ITCH: variants seen among roughly 807,000 people sequenced by gnomAD.
ITCH encodes the protein itchy E3 ubiquitin protein ligase.
In ITCH, 28 loss-of-function variants were observed where a neutral mutation model predicts 126.8. That is an observed-to-expected ratio of 0.22 (90% CI 0.16 to 0.30). The LOEUF (loss-of-function observed/expected upper bound fraction) is 0.30, where lower values mean the gene tolerates loss of function less well. Ranked by LOEUF, ITCH falls within the 10% of genes least tolerant of loss-of-function variation. The pLI is 1.00. For missense variants in ITCH, 631 were observed against 1,032.4 expected, an observed-to-expected ratio of 0.61 and a Z score of 5.33; for synonymous variants, 342 against 340.0, an observed-to-expected ratio of 1.01 and a Z score of -0.06.
At chr20:34,476,400 C>G in intron 16 of ITCH, 1 of 1,239,634 alleles carries the variant, frequency 8.1e-7, no homozygotes, top group South Asian at 3.5e-5. Context: ...CGGCGTGGTG[C>G]AGCCACCGGC....
intron 23 of ITCH, among the ~76,000 whole-genome samples, chr20:34,503,293 C>T (rs1350341477): frequency 6.6e-6 from 1 of 151,990 alleles, no homozygotes; most frequent in African/African-American, 2.4e-5. Context: ...AGCGTTCCTG[C>T]CCCCTTCTAA....
At chr20:34,477,705 AC>A in intron 16 of ITCH, 66 bp from the exon 17 acceptor site, 1 of 1,451,918 alleles carries the variant, frequency 6.9e-7, no homozygotes, top group Non-Finnish European at 9.6e-7. Flanking sequence ...GAGATGTCAA[AC>A]CTAGAAGTGG....
At chr20:34,499,563 A>G (rs1248427859) in intron 23 of ITCH, among the ~76,000 whole-genome samples, 6 of 147,008 alleles carry the variant, frequency 4.1e-5, no homozygotes, top group African/African-American at 1.5e-4. Flanking sequence ...TTCTGATTTC[A>G]TTTATTTGGG....
chr20:34,488,017 A>G (rs1019682229), intron 20 of ITCH, among the ~76,000 whole-genome samples: 61 of 152,338 alleles, frequency 4.0e-4, no homozygotes, highest in African/African-American at 1.4e-3. Flanking sequence ...GTTGTCATAT[A>G]TTATTTCTAC....
intron 16 of ITCH, chr20:34,476,201 C>T (rs993056952): frequency 1.5e-5 from 12 of 800,836 alleles, no homozygotes; most frequent in East Asian, 1.2e-4. Flanking sequence ...TCAACCACAA[C>T]GTCTAGCAGA....
At chr20:34,454,234 T>G (rs1600380037) in intron 12 of ITCH, among the ~76,000 whole-genome samples, 1 of 148,652 alleles carries the variant, frequency 6.7e-6, no homozygotes. Flanking sequence ...GCCTCCCGGG[T>G]TCACGCCATT....
chr20:34,415,669 G>A (rs1979728235), intron 6 of ITCH, among the ~76,000 whole-genome samples: 1 of 152,122 alleles, frequency 6.6e-6, no homozygotes, highest in Non-Finnish European at 1.5e-5. Flanking sequence ...TTGACACTTT[G>A]ATTATTGTTC....
intron 23 of ITCH, among the ~76,000 whole-genome samples, chr20:34,497,437 G>T (rs981132678): frequency 6.6e-6 from 1 of 152,190 alleles, no homozygotes; most frequent in African/African-American, 2.4e-5. Flanking sequence ...TAGCTTTGTT[G>T]TATATCTTGA....
intron 6 of ITCH, among the ~76,000 whole-genome samples, chr20:34,423,598 C>T (rs543068257): frequency 6.6e-6 from 1 of 152,030 alleles, no homozygotes; most frequent in Non-Finnish European, 1.5e-5. Flanking sequence ...AGCACCCTCC[C>T]TCCAACACTT....
chr20:34,363,548 T>C (rs1402328699), intron 1 of ITCH, among the ~76,000 whole-genome samples, 199 bp downstream of exon 1: 2 of 151,064 alleles, frequency 1.3e-5, no homozygotes, highest in Admixed American at 1.3e-4. Flanking sequence ...GCGGTGGGGG[T>C]GGGCTGTCTG....
intron 2 of ITCH, among the ~76,000 whole-genome samples, chr20:34,377,374 A>G (rs2037886684): frequency 1.3e-5 from 2 of 151,702 alleles, no homozygotes; most frequent in African/African-American, 4.8e-5. Context: ...ACCCTGTCTC[A>G]AAAAGAAAAA....
At chr20:34,438,440 C>T (rs1277996777) in intron 7 of ITCH, 34 bp from the exon 8 acceptor site, 1 of 1,609,776 alleles carries the variant, frequency 6.2e-7, no homozygotes, top group East Asian at 2.2e-5. Flanking sequence ...CATTATTTCC[C>T]TCTCCCCCTT....
intron 3 of ITCH, among the ~76,000 whole-genome samples, chr20:34,397,698 A>G (rs1211678744): frequency 2.0e-5 from 3 of 152,124 alleles, no homozygotes; most frequent in Non-Finnish European, 4.4e-5. Context: ...GAAAGATATT[A>G]CTATTTCTTA....
chr20:34,445,110 T>C (rs6579167), intron 10 of ITCH, among the ~76,000 whole-genome samples, 177 bp from the exon 11 acceptor site: 20,778 of 152,244 alleles, frequency 0.14, 1,996 homozygotes, highest in Non-Finnish European at 0.21. Context: ...ATGCATCTTA[T>C]GAACTTTCAA....
chr20:34,369,792 A>G (rs1456444057), intron 2 of ITCH, among the ~76,000 whole-genome samples: 2 of 152,098 alleles, frequency 1.3e-5, no homozygotes, highest in African/African-American at 4.8e-5. Context: ...TGTAGGATTA[A>G]GAGGTGGGTA....
intron 7 of ITCH, among the ~76,000 whole-genome samples, chr20:34,431,777 C>T (rs1982326216): frequency 6.6e-6 from 1 of 151,976 alleles, no homozygotes; most frequent in Admixed American, 6.6e-5. Context: ...CGGTGGCTCA[C>T]TCCTGTAATC....
At chr20:34,499,270 A>C (rs917084387) in intron 23 of ITCH, among the ~76,000 whole-genome samples, 1 of 59,632 alleles carries the variant, frequency 1.7e-5, no homozygotes, top group Non-Finnish European at 3.0e-5. Context: ...CACTGTGCCC[A>C]GCTTTTTTTT....
rs1439066122 is a variant in ITCH at position 34,438,528 on chromosome 20, G to C, written c.576G>C (p.Arg192Ser). ...AAGATGCAGGAGCTGGTGAAAATAG[G>C]AGAGTCAGTGGGAATAATTCTCCAT... Reference protein sequence around the residue: ...DPEDAGAGENRRVSGNNSPSL... With the variant: ...DPEDAGAGENSRVSGNNSPSL... Residue 192 changes from arginine to serine, a missense_variant, in exon 8 of 25, where the codon AGG becomes AGC. By Grantham distance (110) the Arg-to-Ser change is moderately radical. Transcript: ENST00000374864. 6.2e-7 allele frequency: 1 copy of C among 1,613,970 alleles called. No homozygotes were observed. The highest frequency in any genetic ancestry group is 1.7e-5 in the Admixed American group (1 of 60,000).
At chr20:34,383,067 G>A (rs909749018) in intron 2 of ITCH, among the ~76,000 whole-genome samples, 8 of 151,430 alleles carry the variant, frequency 5.3e-5, no homozygotes, top group African/African-American at 1.7e-4. Context: ...TTTCAGACAG[G>A]GTCCTACTTT....
Sources: gnomAD v4.1 joint callset for allele counts (sites outside exome capture counted in the v4.1 genomes callset) on GRCh38, gnomAD v4.1.1 for gene constraint, MANE v1.5 for transcripts, NCBI Gene and HGNC (gene_info 2026-07-23, HGNC 2026-07-21) for gene names.